B3GNT2: variants seen among roughly 807,000 people sequenced by gnomAD.
B3GNT2 encodes N-acetyllactosaminide beta-1,3-N-acetylglucosaminyltransferase 2.
B3GNT2 carries 12 observed loss-of-function variants against 27.6 expected under a neutral mutation model. The ratio of observed to expected loss-of-function variants is 0.44; its 90% confidence interval spans 0.28 to 0.71. B3GNT2 has a LOEUF of 0.71. Among genes scored for constraint, B3GNT2 ranks in the 30% least tolerant of loss-of-function variants. The probability of loss-of-function intolerance (pLI) is 0.17; values close to 1 mark genes in which losing one functional copy is unlikely to be tolerated. For missense variants in B3GNT2, 413 were observed against 488.5 expected, an observed-to-expected ratio of 0.85 and a Z score of 1.46; for synonymous variants, 192 against 189.7, an observed-to-expected ratio of 1.01 and a Z score of -0.10.
rs760222661 is a variant in B3GNT2, at chr2:62,222,775, A to G, written c.555A>G (p.Thr185=). ...TGCGAGTCTTCCTGCTGGGCCAGAC[A>G]CCCCCAGAGGACAACCACCCCGACC... ...TVVRVFLLGQ[T]PPEDNHPDLS... The change falls in exon 2 of 2, where the codon ACA becomes ACG. Residue 185 remains threonine (T), a synonymous_variant. Coordinates refer to ENST00000301998, the MANE Select transcript of B3GNT2 (RefSeq NM_006577.6). This position sits in a 1 kb window ranked among gnomAD's most constrained non-coding sequence, Gnocchi z 4.2. 1.2e-6 allele frequency: 2 copies of G among 1,613,882 alleles called. No homozygotes were observed. The highest frequency in any genetic ancestry group is 1.3e-5 in the African/African-American group (1 of 74,846).
intron 1 of B3GNT2, among the ~76,000 whole-genome samples, chr2:62,209,870 C>T (rs138153756): frequency 1.3e-5 from 2 of 152,262 alleles, no homozygotes; most frequent in East Asian, 3.9e-4. Context: ...TAAGACGAGG[C>T]TAGTTTAAGC....
At chr2:62,211,485 T>C (rs1674481571) in intron 1 of B3GNT2, among the ~76,000 whole-genome samples, 1 of 152,104 alleles carries the variant, frequency 6.6e-6, no homozygotes, top group South Asian at 2.1e-4. Flanking sequence ...AGAAATTAAG[T>C]CTTCGGGACA....
intron 1 of B3GNT2, among the ~76,000 whole-genome samples, chr2:62,216,208 G>T (rs1354058176): frequency 6.6e-6 from 1 of 152,112 alleles, no homozygotes; most frequent in Admixed American, 6.5e-5. Flanking sequence ...TGGGTTCAGG[G>T]ATTCCCAGTC....
intron 1 of B3GNT2, among the ~76,000 whole-genome samples, chr2:62,208,518 T>C (rs1573262485): frequency 6.6e-6 from 1 of 152,050 alleles, no homozygotes; most frequent in Non-Finnish European, 1.5e-5. Flanking sequence ...CACCACGTAA[T>C]TGTGTCTTGA....
chr2:62,223,528 A>G lies in B3GNT2; in HGVS notation c.*114A>G, dbSNP rs978013536. The G allele has an allele frequency of 3.2e-6, 3 of 948,808 alleles. No homozygotes were observed. The highest frequency in any genetic ancestry group is 1.8e-5 in the South Asian group (1 of 56,250). The allele number at this position is 948,808 out of a possible 1,614,324, so 58.8% of individuals were successfully genotyped here. A position where few individuals can be genotyped will look rare whatever the true frequency, so the allele number is the denominator to read the frequency against. ...ACCATGAAAATTGCCTTTATGAGTG[A>G]TACCCATTTGAGGGCCTCTAAACCC... is the stretch of plus-strand genomic sequence containing the variant. On this transcript the variant is annotated 3_prime_UTR_variant, in exon 2 of 2. Transcript: ENST00000301998.
chr2:62,223,393 G>C lies in B3GNT2; in HGVS notation c.1173G>C (p.Gln391His), dbSNP rs1382555835. The C allele has an allele frequency of 6.2e-7, 1 of 1,609,044 alleles. No individual in the cohort carries two copies. Among genetic ancestry groups the C allele is most frequent in the Non-Finnish European group, 8.5e-7 (1 of 1,177,288 alleles). Residue 391 changes from glutamine (Q) to histidine (H), a missense_variant, in exon 2 of 2, where the codon CAG becomes CAC. Transcript: ENST00000301998. ...TGATTGATATTTGGTCTCAGTTGCAGAGTGCTCATTTAAAATGCTAAAATA... is the reference window on the plus strand; with the variant it reads ...TGATTGATATTTGGTCTCAGTTGCACAGTGCTCATTTAAAATGCTAAAATA... The part of the protein sequence containing the change: ...QEMIDIWSQL[Q>H]SAHLKC
rs187780923 is a variant in B3GNT2, at chr2:62,223,548, A to G, written c.*134A>G. 483 of 747,246 alleles carry G rather than the reference A, an allele frequency of 6.5e-4. 5 individuals carry two copies. The highest frequency in any genetic ancestry group is 7.8e-5 in the Non-Finnish European group (36 of 461,276). The allele number at this position is 747,246 out of a possible 1,614,324, so 46.3% of individuals were successfully genotyped here. A position where few individuals can be genotyped will look rare whatever the true frequency, so the allele number is the denominator to read the frequency against. ...GAGTGATACCCATTTGAGGGCCTCT[A>G]AACCCTTCAATTTGGTACTCACGTG... On this transcript the variant is annotated 3_prime_UTR_variant, in exon 2 of 2. Coordinates refer to ENST00000301998, the MANE Select transcript of B3GNT2 (RefSeq NM_006577.6).
At chr2:62,202,135 G>T (rs1281626483) in intron 1 of B3GNT2, among the ~76,000 whole-genome samples, 2 of 152,254 alleles carry the variant, frequency 1.3e-5, no homozygotes, top group East Asian at 1.9e-4. Flanking sequence ...AGCACTTGGT[G>T]TGTGCCTAGC....
chr2:62,210,719 G>A (rs1340147745), intron 1 of B3GNT2, among the ~76,000 whole-genome samples: 3 of 151,678 alleles, frequency 2.0e-5, no homozygotes, highest in African/African-American at 7.3e-5. Context: ...GCAGTGAGCC[G>A]AGATCGCACC....
In B3GNT2 at chr2:62,213,441, A is replaced by G. The variant is rs181184419; in HGVS notation, c.-9-8771A>G. ...GCTGGAGGTCCATCCCTCTCCAGAA[A>G]GGAGGTAGAGATGCCCCATTTTGGG... On this transcript the variant is annotated intron_variant, in intron 1 of 1. Transcript: ENST00000301998. Among the ~76,000 whole-genome samples the G allele has an allele frequency of 3.1e-3, 479 of 152,304 alleles. 2 individuals carry two copies. Among genetic ancestry groups the G allele is most frequent in the African/African-American group, 0.01 (416 of 41,558 alleles).
chr2:62,223,412 T>A lies in B3GNT2; in HGVS notation c.1192T>A (p.Ter398LysextTer9). 6.3e-7 allele frequency: 1 copy of A among 1,596,456 alleles called. No homozygotes were observed. Residue 398 changes from the stop codon to lysine (K), a stop_lost, in exon 2 of 2, where the codon TAA becomes AAA. Coordinates refer to ENST00000301998, the MANE Select transcript of B3GNT2 (RefSeq NM_006577.6). The part of the protein sequence containing the change: ...SQLQSAHLKC[*>K] The stretch of plus-strand genomic sequence containing the variant: ...GTTGCAGAGTGCTCATTTAAAATGC[T>A]AAAATAGATACAAACTCAATTTTGC...
rs944373533 is a variant in B3GNT2, at chr2:62,224,192, G to T, written c.*778G>T. On this transcript the variant is annotated 3_prime_UTR_variant, in exon 2 of 2. Coordinates refer to ENST00000301998, the MANE Select transcript of B3GNT2 (RefSeq NM_006577.6). ...GAATTGCCGCTAACAACCATATCGT[G>T]TTAGTGAATTTTCAATATGGACCAG... is the stretch of plus-strand genomic sequence containing the variant. 1.2e-5 allele frequency: 2 copies of T among 167,080 alleles called. No homozygotes were observed. The highest frequency in any genetic ancestry group is 4.8e-5 in the African/African-American group (2 of 41,458). The allele number at this position is 167,080 out of a possible 1,614,324, so 10.3% of individuals were successfully genotyped here.
intron 1 of B3GNT2, among the ~76,000 whole-genome samples, chr2:62,214,873 G>A (rs993936070): frequency 2.0e-5 from 3 of 152,064 alleles, no homozygotes; most frequent in Non-Finnish European, 4.4e-5. Flanking sequence ...ATCCTCAAAC[G>A]TCTGCTACCC....
At chr2:62,211,420 TA>T (rs1674480568) in intron 1 of B3GNT2, among the ~76,000 whole-genome samples, 1 of 151,738 alleles carries the variant, frequency 6.6e-6, no homozygotes, top group Non-Finnish European at 1.5e-5. Flanking sequence ...GCAGGGGAGT[TA>T]GAGATCCGAC....
At chr2:62,211,235 T>G (rs1183741480) in intron 1 of B3GNT2, among the ~76,000 whole-genome samples, 1 of 152,102 alleles carries the variant, frequency 6.6e-6, no homozygotes, top group Non-Finnish European at 1.5e-5. Flanking sequence ...ATGCCTGTAG[T>G]CCCAGCTACT....
At chr2:62,209,131 G>C (rs190078936) in intron 1 of B3GNT2, among the ~76,000 whole-genome samples, 1 of 152,260 alleles carries the variant, frequency 6.6e-6, no homozygotes, top group African/African-American at 2.4e-5. Context: ...ACAGACATGA[G>C]CCACCATACC....
At chr2:62,210,986 G>A (rs926617723) in intron 1 of B3GNT2, among the ~76,000 whole-genome samples, 1 of 152,194 alleles carries the variant, frequency 6.6e-6, no homozygotes, top group African/African-American at 2.4e-5. Context: ...ACCAGATGAT[G>A]ATGTGTCTAG....
chr2:62,221,068 C>T (rs1674681755), intron 1 of B3GNT2, among the ~76,000 whole-genome samples: 1 of 152,210 alleles, frequency 6.6e-6, no homozygotes, highest in African/African-American at 2.4e-5. Flanking sequence ...CTACATGGTA[C>T]ATTTCTGTAC....
At chr2:62,221,431 G>A (rs1573272844) in intron 1 of B3GNT2, among the ~76,000 whole-genome samples, 2 of 152,116 alleles carry the variant, frequency 1.3e-5, no homozygotes, top group East Asian at 3.8e-4. Context: ...GCAACCTTGG[G>A]CAAGTGTCTT....
Sources: allele counts gnomAD v4.1 joint callset (sites outside exome capture counted in the v4.1 genomes callset), GRCh38; gene constraint gnomAD v4.1.1; non-coding constraint Gnocchi (gnomAD v3.1); transcripts MANE v1.5; gene names NCBI Gene and HGNC (gene_info 2026-07-23, HGNC 2026-07-21).